L3MBTL4: variants seen among roughly 807,000 people sequenced by gnomAD.
L3MBTL4 encodes the protein lethal(3)malignant brain tumor-like protein 4.
L3MBTL4 carries 70 observed loss-of-function variants against 84.5 expected under a neutral mutation model. The observed-to-expected ratio is 0.83, with a 90% CI of 0.68 to 1.01. The LOEUF is 1.01. Ranked by LOEUF, L3MBTL4 falls within the 50% of genes least tolerant of loss-of-function variation. The pLI, the probability that L3MBTL4 is intolerant of heterozygous loss-of-function variation, is 0.00. For missense variants in L3MBTL4, 715 were observed against 754.8 expected (o/e 0.95, Z 0.62); for synonymous variants, 274 against 259.8 (o/e 1.05, Z -0.52).
chr18:6,084,886 G>A (rs1203680413), intron 15 of L3MBTL4, among the ~76,000 whole-genome samples: 1 of 152,224 alleles, frequency 6.6e-6, no homozygotes, highest in African/African-American at 2.4e-5. Context: ...GCCACTGCAG[G>A]TGGAGGGCGA....
At chr18:6,017,296 A>G (rs915206656) in intron 16 of L3MBTL4, among the ~76,000 whole-genome samples, 1 of 150,404 alleles carries the variant, frequency 6.6e-6, no homozygotes, top group Non-Finnish European at 1.5e-5. Context: ...TGCTGATTGG[A>G]GACACTTCTC....
chr18:5,980,874 A>T (rs1371620628), intron 16 of L3MBTL4, among the ~76,000 whole-genome samples: 1 of 152,182 alleles, frequency 6.6e-6, no homozygotes, highest in Non-Finnish European at 1.5e-5. Flanking sequence ...TGCACACAGG[A>T]TGAGTTGCTC....
At chr18:6,028,678 T>G (rs597970) in intron 16 of L3MBTL4, among the ~76,000 whole-genome samples, 1 of 152,210 alleles carries the variant, frequency 6.6e-6, no homozygotes, top group Admixed American at 6.5e-5. Context: ...GCATGGAATG[T>G]TTTTCCATTT....
At chr18:6,405,966 C>T (rs1019927328) in intron 1 of L3MBTL4, among the ~76,000 whole-genome samples, 11 of 152,236 alleles carry the variant, frequency 7.2e-5, no homozygotes, top group Non-Finnish European at 4.4e-5. Flanking sequence ...GGCCAAAGTA[C>T]ACACTAAGTA....
chr18:6,237,543 C>G (rs893662212), intron 10 of L3MBTL4, among the ~76,000 whole-genome samples: 1 of 149,972 alleles, frequency 6.7e-6, no homozygotes, highest in African/African-American at 2.5e-5. Context: ...GCAACCTCCG[C>G]CTCCCAGGTT....
In L3MBTL4 at chr18:5,961,594, C is replaced by T. The variant is rs1458187490; in HGVS notation, c.1615-1438G>A. Reference sequence around the variant, plus strand: ...AGTGATAAGGATTAAAACAAACAAACAAAAAAACCTCCCACACCAGCCATA... The same window carrying T: ...AGTGATAAGGATTAAAACAAACAAATAAAAAAACCTCCCACACCAGCCATA... On this transcript the variant is annotated intron_variant, in intron 17 of 18. Coordinates refer to ENST00000317931, the MANE Select transcript of L3MBTL4 (RefSeq NM_001330559.2). Among the ~76,000 whole-genome samples, 4 of 152,140 alleles carry T rather than the reference C, an allele frequency of 2.6e-5. No individual in the cohort carries two copies. In the South Asian group the frequency reaches 8.3e-4, roughly 32 times the overall value.
At chr18:6,042,584 GC>G (rs1365190006) in intron 16 of L3MBTL4, among the ~76,000 whole-genome samples, 2 of 152,104 alleles carry the variant, frequency 1.3e-5, no homozygotes, top group African/African-American at 4.8e-5. Context: ...TCCTACATGA[GC>G]CCTCAGCATT....
intron 4 of L3MBTL4, among the ~76,000 whole-genome samples, chr18:6,297,279 C>T (rs925067781): frequency 1.4e-4 from 21 of 152,238 alleles, no homozygotes; most frequent in African/African-American, 3.9e-4. Flanking sequence ...CAAGAATAAA[C>T]GGTAGAAGAA....
intron 1 of L3MBTL4, among the ~76,000 whole-genome samples, chr18:6,326,178 T>C (rs1371547914): frequency 6.6e-6 from 1 of 152,166 alleles, no homozygotes; most frequent in East Asian, 1.9e-4. Flanking sequence ...CTCCACTGAA[T>C]GAAATCTGAG....
At chr18:6,262,541 G>T (rs1255968932) in intron 5 of L3MBTL4, among the ~76,000 whole-genome samples, 3 of 152,182 alleles carry the variant, frequency 2.0e-5, no homozygotes, top group Non-Finnish European at 4.4e-5. Flanking sequence ...ACCTTCTATG[G>T]TAGTCAGCCT....
intron 14 of L3MBTL4, among the ~76,000 whole-genome samples, chr18:6,102,154 G>A (rs1199275243): frequency 6.6e-6 from 1 of 152,138 alleles, no homozygotes; most frequent in African/African-American, 2.4e-5. Context: ...AGCTTGAACT[G>A]AGTAAAATTG....
intron 17 of L3MBTL4, among the ~76,000 whole-genome samples, chr18:5,966,544 G>A (rs2052363146): frequency 6.6e-6 from 1 of 152,006 alleles, no homozygotes; most frequent in Non-Finnish European, 1.5e-5. Flanking sequence ...CCTATCTCTG[G>A]ACACTCACAC....
chr18:5,997,579 A>G (rs1466327944), intron 16 of L3MBTL4, among the ~76,000 whole-genome samples: 1 of 152,134 alleles, frequency 6.6e-6, no homozygotes, highest in Admixed American at 6.5e-5. Context: ...GAATGCAACC[A>G]TTTGTCTCTT....
At chr18:6,044,892 T>C (rs1049353572) in intron 16 of L3MBTL4, among the ~76,000 whole-genome samples, 1 of 152,200 alleles carries the variant, frequency 6.6e-6, no homozygotes, top group Admixed American at 6.5e-5. Context: ...CTCTCCACAA[T>C]CTATTTTCCT....
At chr18:6,146,393 CAGAA>C (rs1281281393) in intron 13 of L3MBTL4, among the ~76,000 whole-genome samples, 1 of 152,106 alleles carries the variant, frequency 6.6e-6, no homozygotes, top group East Asian at 1.9e-4. Flanking sequence ...ATGTAGAGAG[CAGAA>C]AGAAAGAGTG....
At chr18:6,397,662 A>G (rs2055331674) in intron 1 of L3MBTL4, 2 of 152,120 alleles carry the variant, frequency 1.3e-5, no homozygotes, top group South Asian at 4.1e-4. Flanking sequence ...CATCCTGAGC[A>G]ACATAGTGAG....
At chr18:6,071,211 T>C (rs1464147813) in intron 16 of L3MBTL4, among the ~76,000 whole-genome samples, 2 of 150,970 alleles carry the variant, frequency 1.3e-5, no homozygotes, top group Non-Finnish European at 3.0e-5. Context: ...GCCAACATGG[T>C]GAAACCCTGT....
At chr18:6,061,565 G>A (rs931467990) in intron 16 of L3MBTL4, among the ~76,000 whole-genome samples, 11 of 151,750 alleles carry the variant, frequency 7.2e-5, no homozygotes, top group African/African-American at 2.7e-4. Flanking sequence ...CCAAACTGAA[G>A]GCCACCTAGA....
intron 5 of L3MBTL4, among the ~76,000 whole-genome samples, chr18:6,253,681 C>T (rs1292391634): frequency 6.6e-6 from 1 of 152,232 alleles, no homozygotes; most frequent in African/African-American, 2.4e-5. Context: ...CAACCACAGG[C>T]TGCATCCTTC....
Sources: allele counts gnomAD v4.1 joint callset (sites outside exome capture counted in the v4.1 genomes callset), GRCh38; gene constraint gnomAD v4.1.1; transcripts MANE v1.5; gene names NCBI Gene and HGNC (gene_info 2026-07-23, HGNC 2026-07-21).